The following DPYD variants were observed in gnomAD, a reference collection of about 807,000 sequenced individuals.
The protein encoded by DPYD is dihydropyrimidine dehydrogenase.
Under a neutral mutation model 116.2 loss-of-function variants are expected in DPYD, and 109 were observed. That is an observed-to-expected ratio of 0.94 (90% confidence interval 0.80 to 1.10). The LOEUF (loss-of-function observed/expected upper bound fraction) is 1.10, where lower values mean the gene tolerates loss of function less well. Among genes scored for constraint, DPYD ranks in the 50% least tolerant of loss-of-function variants. The probability of loss-of-function intolerance (pLI) is 0.00; values close to 1 mark genes in which losing one functional copy is unlikely to be tolerated. For missense variants in DPYD, 1,302 were observed against 1,254.5 expected, an observed-to-expected ratio of 1.04 and a Z score of -0.57; for synonymous variants, 440 against 432.0, an observed-to-expected ratio of 1.02 and a Z score of -0.23.
chr1:97,553,476 G>C (rs1651473535), intron 11 of DPYD, among the ~76,000 whole-genome samples: 1 of 152,048 alleles, frequency 6.6e-6, no homozygotes, highest in East Asian at 1.9e-4. Flanking sequence ...CATCTCTGCT[G>C]ATAGATTTAA....
chr1:97,772,195 A>G (rs1030316805), intron 3 of DPYD, among the ~76,000 whole-genome samples: 10 of 152,114 alleles, frequency 6.6e-5, no homozygotes, highest in East Asian at 1.9e-4. Flanking sequence ...AAGACTCTCA[A>G]TTTTGCCACT....
At chr1:97,145,799 C>T (rs916697980) in intron 20 of DPYD, among the ~76,000 whole-genome samples, 2 of 140,974 alleles carry the variant, frequency 1.4e-5, no homozygotes, top group Non-Finnish European at 1.5e-5. Context: ...AATCCTTTTG[C>T]ACCAGGAGTC....
chr1:97,180,807 G>A (rs1288147046), intron 20 of DPYD, among the ~76,000 whole-genome samples: 1 of 152,146 alleles, frequency 6.6e-6, no homozygotes, highest in Admixed American at 6.6e-5. Context: ...AACTGCATTT[G>A]TGTTTGGCAA....
intron 16 of DPYD, among the ~76,000 whole-genome samples, chr1:97,371,314 A>G (rs1209111922): frequency 6.6e-6 from 1 of 152,234 alleles, no homozygotes; most frequent in East Asian, 1.9e-4. Flanking sequence ...AATATTAATC[A>G]GGCTCTGACC....
chr1:97,878,239 A>G (rs1190628995), intron 2 of DPYD, among the ~76,000 whole-genome samples: 1 of 151,730 alleles, frequency 6.6e-6, no homozygotes, highest in Admixed American at 6.6e-5. Flanking sequence ...GTTTTTCTAG[A>G]TTACTGAGTC....
intron 8 of DPYD, among the ~76,000 whole-genome samples, chr1:97,646,749 T>C (rs1658287247): frequency 6.6e-6 from 1 of 152,084 alleles, no homozygotes; most frequent in African/African-American, 2.4e-5. Context: ...TAATTGGTTA[T>C]TTGCAGGATG....
At chr1:97,658,683 G>A (rs1202964267) in intron 8 of DPYD, among the ~76,000 whole-genome samples, 1 of 152,074 alleles carries the variant, frequency 6.6e-6, no homozygotes, top group Non-Finnish European at 1.5e-5. Context: ...CACATGTCCA[G>A]TCTCATCACT....
intron 16 of DPYD, among the ~76,000 whole-genome samples, chr1:97,317,448 G>A (rs1314579505): frequency 1.1e-4 from 16 of 151,912 alleles, no homozygotes; most frequent in African/African-American, 3.9e-4. Flanking sequence ...GATTCATTTT[G>A]GATAAGGGCA....
chr1:97,918,185 T>C (rs1674323203), intron 1 of DPYD, among the ~76,000 whole-genome samples: 1 of 152,224 alleles, frequency 6.6e-6, no homozygotes, highest in Admixed American at 6.5e-5. Context: ...GAATAAGATA[T>C]ATTTTTCTGT....
At chr1:97,649,751 T>C (rs2100838801) in intron 8 of DPYD, among the ~76,000 whole-genome samples, 1 of 152,138 alleles carries the variant, frequency 6.6e-6, no homozygotes, top group Admixed American at 6.6e-5. Context: ...AAGTAGGAAG[T>C]TCCAAAAAGT....
At chr1:97,705,024 T>C (rs1440020824) in intron 5 of DPYD, among the ~76,000 whole-genome samples, 2 of 152,062 alleles carry the variant, frequency 1.3e-5, no homozygotes, top group Admixed American at 6.6e-5. Flanking sequence ...TCAACCCTCC[T>C]TTATGGAGGT....
At chr1:97,226,896 G>A (rs529941485) in intron 19 of DPYD, among the ~76,000 whole-genome samples, 2 of 152,164 alleles carry the variant, frequency 1.3e-5, no homozygotes, top group Non-Finnish European at 2.9e-5. Flanking sequence ...TAAGATGATT[G>A]GATGATTTAC....
At chr1:97,490,045 T>G (rs1404277690) in intron 13 of DPYD, among the ~76,000 whole-genome samples, 1 of 152,072 alleles carries the variant, frequency 6.6e-6, no homozygotes, top group Admixed American at 6.6e-5. Context: ...GTGACTCAGC[T>G]TCCTTCCTGT....
chr1:97,597,781 C>T (rs1270714268), intron 8 of DPYD, among the ~76,000 whole-genome samples: 1 of 152,166 alleles, frequency 6.6e-6, no homozygotes, highest in Non-Finnish European at 1.5e-5. Context: ...AGGAGTTGGA[C>T]TTACCAGCTC....
intron 16 of DPYD, among the ~76,000 whole-genome samples, chr1:97,329,960 T>G (rs1668906559): frequency 6.6e-6 from 1 of 151,600 alleles, no homozygotes; most frequent in South Asian, 2.1e-4. Flanking sequence ...TCTGGTCACT[T>G]CTAGAACACC....
At chr1:97,225,003 G>GTCTATCTATCTA (rs3050227) in intron 19 of DPYD, among the ~76,000 whole-genome samples, 326 of 127,152 alleles carry the variant, frequency 2.6e-3, no homozygotes, top group East Asian at 3.6e-3. Flanking sequence ...CTGTCTGTCT[G>GTCTATCTATCTA]TCTATCTATC....
intron 3 of DPYD, among the ~76,000 whole-genome samples, chr1:97,812,016 C>A (rs1668370837): frequency 6.6e-6 from 1 of 152,128 alleles, no homozygotes; most frequent in South Asian, 2.1e-4. Flanking sequence ...CTTTCCTCAT[C>A]AGTTATTATA....
At chr1:97,257,452 T>TATATATAGAGAGAGAGAG (rs375490078) in intron 18 of DPYD, among the ~76,000 whole-genome samples, 1,623 of 126,262 alleles carry the variant, frequency 0.013, 29 homozygotes, top group East Asian at 0.062. Flanking sequence ...TATATATATA[T>TATATATAGAGAGAGAGAG]AGAGAGAGAG....
At chr1:97,670,176 G>T (rs1236463504) in intron 8 of DPYD, among the ~76,000 whole-genome samples, 2 of 152,116 alleles carry the variant, frequency 1.3e-5, no homozygotes, top group Non-Finnish European at 2.9e-5. Flanking sequence ...TTCTAATTTT[G>T]TTAAGTATCC....
Sources: allele counts gnomAD v4.1 joint callset (sites outside exome capture counted in the v4.1 genomes callset), GRCh38; gene constraint gnomAD v4.1.1; transcripts MANE v1.5; gene names NCBI Gene and HGNC (gene_info 2026-07-23, HGNC 2026-07-21).